The following RALYL variants were observed in gnomAD, a reference collection of about 807,000 sequenced individuals.
RALYL encodes the protein RALY RNA binding protein like, also known as RNA-binding Raly-like protein.
Under a neutral mutation model 35.1 loss-of-function variants are expected in RALYL, and 29 were observed. The ratio of observed to expected loss-of-function variants is 0.83; its 90% CI spans 0.61 to 1.13. The LOEUF is 1.13. Among genes scored for constraint, RALYL ranks in the 50% most tolerant of loss-of-function variants. The pLI, the probability that RALYL is intolerant of heterozygous loss-of-function variation, is 0.00. For missense variants in RALYL, 359 were observed against 360.4 expected (o/e 1.00, Z 0.03); for synonymous variants, 120 against 127.6 (o/e 0.94, Z 0.40).
At chr8:84,443,521 G>A (rs997236469) in intron 1 of RALYL, among the ~76,000 whole-genome samples, 12 of 152,092 alleles carry the variant, frequency 7.9e-5, no homozygotes, top group Admixed American at 5.9e-4. Flanking sequence ...CACAGTTGAA[G>A]AGCTTGGAAT....
intron 2 of RALYL, among the ~76,000 whole-genome samples, chr8:84,598,572 A>C (rs1815155934): frequency 6.6e-6 from 1 of 152,134 alleles, no homozygotes; most frequent in South Asian, 2.1e-4. Context: ...TCCTCAGCAA[A>C]TATCATTGTC....
At chr8:84,848,850 A>G (rs563690252) in intron 4 of RALYL, among the ~76,000 whole-genome samples, 1 of 151,512 alleles carries the variant, frequency 6.6e-6, no homozygotes, top group Non-Finnish European at 1.5e-5. Flanking sequence ...TTTTTTTTTT[A>G]AATTACTCCC....
chr8:84,725,820 C>T (rs139216169), intron 2 of RALYL, among the ~76,000 whole-genome samples: 5 of 151,564 alleles, frequency 3.3e-5, no homozygotes, highest in African/African-American at 1.2e-4. Context: ...TTTAGTTGAC[C>T]AATGACCCAC....
At chr8:84,245,068 G>A (rs957123738) in intron 1 of RALYL, among the ~76,000 whole-genome samples, 5 of 152,250 alleles carry the variant, frequency 3.3e-5, no homozygotes, top group African/African-American at 7.2e-5. Flanking sequence ...CTTCATAGAT[G>A]AGCAACCTTG....
Position 84,732,668 on chromosome 8 carries a change from T to TTA in RALYL, c.257-41896_257-41895dup, listed in dbSNP as rs1554553641. Among the ~76,000 whole-genome samples, 154 of 132,466 alleles carry TTA rather than the reference T, an allele frequency of 1.2e-3. 1 individual carries two copies. Among genetic ancestry groups the TTA allele is most frequent in the East Asian group, 2.6e-3 (13 of 4,926 alleles). The allele number at this position is 132,466 out of a possible 152,430, so 86.9% of individuals were successfully genotyped here. A position where few individuals can be genotyped will look rare whatever the true frequency, so the allele number is the denominator to read the frequency against. On this transcript the variant is annotated intron_variant, in intron 2 of 8. Coordinates refer to ENST00000521268, the MANE Select transcript of RALYL (RefSeq NM_173848.7). ...TTTTATTATCATAATTATTAAATAA[T>TTA]TATATATATATATATACACACACAC...
intron 2 of RALYL, among the ~76,000 whole-genome samples, chr8:84,530,749 A>C (rs1280358883): frequency 6.6e-6 from 1 of 152,156 alleles, no homozygotes; most frequent in African/African-American, 2.4e-5. Context: ...TTTCTCATAC[A>C]GAATAAGATT....
At chr8:84,474,540 A>G (rs2053166329) in intron 1 of RALYL, among the ~76,000 whole-genome samples, 1 of 152,154 alleles carries the variant, frequency 6.6e-6, no homozygotes, top group Non-Finnish European at 1.5e-5. Flanking sequence ...CCTTTAGAGC[A>G]TTGTATATGT....
intron 1 of RALYL, among the ~76,000 whole-genome samples, chr8:84,253,102 A>C (rs949364424): frequency 1.3e-5 from 2 of 148,818 alleles, no homozygotes; most frequent in South Asian, 4.2e-4. Context: ...TGATATATAC[A>C]TACCTTTCAA....
At chr8:84,677,740 G>A (rs1299602598) in intron 2 of RALYL, among the ~76,000 whole-genome samples, 1 of 152,174 alleles carries the variant, frequency 6.6e-6, no homozygotes, top group African/African-American at 2.4e-5. Context: ...TGTTTTTAAA[G>A]AAAACTTCTT....
chr8:84,493,688 T>C (rs139560981), intron 1 of RALYL, among the ~76,000 whole-genome samples: 84 of 152,328 alleles, frequency 5.5e-4, no homozygotes, highest in Non-Finnish European at 9.9e-4. Flanking sequence ...CTTCATATGT[T>C]TTTCATATGT....
At chr8:84,573,023 A>T (rs905138907) in intron 2 of RALYL, among the ~76,000 whole-genome samples, 2 of 151,518 alleles carry the variant, frequency 1.3e-5, no homozygotes, top group Non-Finnish European at 3.0e-5. Context: ...ATTTCACTTC[A>T]TATATAATGT....
chr8:84,783,764 G>T (rs1475882842), intron 3 of RALYL, among the ~76,000 whole-genome samples: 1 of 152,136 alleles, frequency 6.6e-6, no homozygotes, highest in South Asian at 2.1e-4. Flanking sequence ...GCAATTCACA[G>T]TTTTCTAAAG....
chr8:84,788,781 G>C (rs1409301146), intron 3 of RALYL, among the ~76,000 whole-genome samples: 1 of 152,190 alleles, frequency 6.6e-6, no homozygotes, highest in African/African-American at 2.4e-5. Flanking sequence ...TCAGTATGCA[G>C]AGCGAAGGGC....
intron 1 of RALYL, among the ~76,000 whole-genome samples, chr8:84,333,058 A>G (rs990330185): frequency 6.6e-6 from 1 of 152,202 alleles, no homozygotes; most frequent in African/African-American, 2.4e-5. Context: ...CAGAAGAGTC[A>G]TGATAGCTAC....
At chr8:84,790,337 C>G (rs191872299) in intron 3 of RALYL, among the ~76,000 whole-genome samples, 85 of 152,274 alleles carry the variant, frequency 5.6e-4, no homozygotes, top group Non-Finnish European at 1.0e-3. Context: ...ACGGTCAGCC[C>G]TGAGGGTCTA....
chr8:84,435,922 T>C (rs2047661033), intron 1 of RALYL, among the ~76,000 whole-genome samples: 1 of 152,110 alleles, frequency 6.6e-6, no homozygotes, highest in South Asian at 2.1e-4. Context: ...TGCTTTCTTC[T>C]CTAGAAATAT....
At chr8:84,769,235 C>G (rs1438946307) in intron 2 of RALYL, among the ~76,000 whole-genome samples, 2 of 142,264 alleles carry the variant, frequency 1.4e-5, no homozygotes, top group East Asian at 4.0e-4. Context: ...ATTCAGACAG[C>G]CTCGATCTGG....
intron 2 of RALYL, among the ~76,000 whole-genome samples, chr8:84,757,567 T>A (rs1442564260): frequency 6.6e-6 from 1 of 152,158 alleles, no homozygotes; most frequent in African/African-American, 2.4e-5. Context: ...TACTAACACT[T>A]CCATTTAAAA....
intron 2 of RALYL, among the ~76,000 whole-genome samples, chr8:84,648,674 ATATT>A (rs1169738174): frequency 5.3e-5 from 8 of 152,012 alleles, no homozygotes; most frequent in African/African-American, 1.9e-4. Flanking sequence ...AAAGAGGAAA[ATATT>A]TAATTCTCAT....
Sources: gnomAD v4.1 joint callset for allele counts (sites outside exome capture counted in the v4.1 genomes callset) on GRCh38, gnomAD v4.1.1 for gene constraint, MANE v1.5 for transcripts, NCBI Gene and HGNC (gene_info 2026-07-23, HGNC 2026-07-21) for gene names.